CSMD1: variants seen among roughly 807,000 people sequenced by gnomAD.
The protein encoded by CSMD1 is CUB and Sushi multiple domains 1, also known as CUB and sushi domain-containing protein 1.
Under a neutral mutation model 417.5 loss-of-function variants are expected in CSMD1, and 213 were observed. That is an observed-to-expected ratio of 0.51 (90% confidence interval 0.46 to 0.57). The LOEUF (loss-of-function observed/expected upper bound fraction) is 0.57, where lower values mean the gene tolerates loss of function less well. Ranked by LOEUF, CSMD1 falls within the 20% of genes least tolerant of loss-of-function variation. The pLI, the probability that CSMD1 is intolerant of heterozygous loss-of-function variation, is 0.00. For missense variants in CSMD1, 6,923 were observed against 4,529.7 expected (o/e 1.53, Z -15.17); for synonymous variants, 2,862 against 1,736.8 (o/e 1.65, Z -16.11).
At chr8:3,717,170 AATT>A (rs1243212306) in intron 6 of CSMD1, among the ~76,000 whole-genome samples, 3 of 152,156 alleles carry the variant, frequency 2.0e-5, no homozygotes, top group Non-Finnish European at 4.4e-5. Flanking sequence ...TTTCGTCGAT[AATT>A]ATTACATTTT....
chr8:3,657,613 C>T (rs769989226), intron 7 of CSMD1, among the ~76,000 whole-genome samples: 1 of 152,058 alleles, frequency 6.6e-6, no homozygotes, highest in Non-Finnish European at 1.5e-5. Context: ...CCAAACACTG[C>T]ATATTCTCAC....
chr8:4,093,654 A>C (rs12681834), intron 3 of CSMD1, among the ~76,000 whole-genome samples: 1 of 152,076 alleles, frequency 6.6e-6, no homozygotes, highest in South Asian at 2.1e-4. Context: ...GAGAAAGTGA[A>C]TTTTAAAAAG....
At chr8:4,519,277 T>C (rs961024664) in intron 2 of CSMD1, among the ~76,000 whole-genome samples, 3 of 152,186 alleles carry the variant, frequency 2.0e-5, no homozygotes, top group Admixed American at 1.3e-4. Flanking sequence ...ATGGAATCTA[T>C]AAAATATCTT....
intron 8 of CSMD1, among the ~76,000 whole-genome samples, chr8:3,610,476 A>T (rs6985177): frequency 6.6e-6 from 1 of 151,860 alleles, no homozygotes; most frequent in African/African-American, 2.4e-5. Context: ...TCGAGATTAC[A>T]GTACTCCAGG....
At chr8:3,078,088 G>A (rs531742010) in intron 49 of CSMD1, among the ~76,000 whole-genome samples, 21 of 152,226 alleles carry the variant, frequency 1.4e-4, no homozygotes, top group African/African-American at 4.6e-4. Flanking sequence ...CTCCATTATA[G>A]CATTTTTAAA....
chr8:4,523,679 G>A (rs1026583928), intron 2 of CSMD1, among the ~76,000 whole-genome samples: 4 of 152,060 alleles, frequency 2.6e-5, no homozygotes, highest in Non-Finnish European at 5.9e-5. Flanking sequence ...TCTACTAAAG[G>A]TCTGCTTATG....
intron 1 of CSMD1, among the ~76,000 whole-genome samples, chr8:4,918,344 T>C (rs971874117): frequency 3.3e-5 from 5 of 152,208 alleles, no homozygotes; most frequent in East Asian, 1.9e-4. Flanking sequence ...TCTTTTCTTT[T>C]TGCTGGAAAT....
chr8:4,209,951 A>G (rs531742899), intron 3 of CSMD1, among the ~76,000 whole-genome samples: 5 of 152,194 alleles, frequency 3.3e-5, no homozygotes, highest in African/African-American at 9.7e-5. Flanking sequence ...TGACAATGGT[A>G]AACTGGCATG....
At chr8:4,788,239 T>G (rs1797513427) in intron 1 of CSMD1, 1 of 1,588,302 alleles carries the variant, frequency 6.3e-7, no homozygotes, top group Non-Finnish European at 8.6e-7. Context: ...GATGAAACTC[T>G]GAGGGTTAAA....
chr8:4,933,815 A>G (rs751554893), intron 1 of CSMD1, among the ~76,000 whole-genome samples: 8 of 152,166 alleles, frequency 5.3e-5, no homozygotes, highest in Non-Finnish European at 1.0e-4. Context: ...TGTGAGCCCG[A>G]TACATTTATT....
chr8:4,131,785 C>T (rs928917251), intron 3 of CSMD1, among the ~76,000 whole-genome samples: 11 of 77,294 alleles, frequency 1.4e-4, no homozygotes, highest in East Asian at 9.5e-4. Flanking sequence ...TTTTTTGAGA[C>T]GGAGTCTCGC....
chr8:4,364,949 A>T (rs1215775465), intron 3 of CSMD1, among the ~76,000 whole-genome samples: 4 of 151,594 alleles, frequency 2.6e-5, no homozygotes, highest in African/African-American at 9.7e-5. Flanking sequence ...CCCGACAAAA[A>T]CGTGCAAGGG....
At chr8:4,578,527 C>G (rs1422362354) in intron 2 of CSMD1, among the ~76,000 whole-genome samples, 2 of 151,080 alleles carry the variant, frequency 1.3e-5, no homozygotes, top group African/African-American at 2.4e-5. Flanking sequence ...ATTATAAAAC[C>G]TATCTTTGGC....
chr8:4,859,989 A>C (rs1802029421), intron 1 of CSMD1, among the ~76,000 whole-genome samples: 1 of 152,136 alleles, frequency 6.6e-6, no homozygotes, highest in Admixed American at 6.5e-5. Flanking sequence ...TATTCACGAT[A>C]GCAAAGACTT....
intron 1 of CSMD1, among the ~76,000 whole-genome samples, chr8:4,930,829 T>C (rs11136802): frequency 0.053 from 8,102 of 152,260 alleles, 246 homozygotes; most frequent in African/African-American, 0.078. Context: ...TGTGTGACCA[T>C]TGTAAATACA....
At chr8:4,072,308 C>A (rs962208927) in intron 3 of CSMD1, among the ~76,000 whole-genome samples, 3 of 152,132 alleles carry the variant, frequency 2.0e-5, no homozygotes, top group African/African-American at 7.2e-5. Context: ...CCTTCCTTTG[C>A]CTTCAAAATG....
At chr8:3,584,270 A>G (rs1283310279) in intron 9 of CSMD1, among the ~76,000 whole-genome samples, 1 of 152,158 alleles carries the variant, frequency 6.6e-6, no homozygotes, top group African/African-American at 2.4e-5. Flanking sequence ...TGTGGAGTTG[A>G]AAGGAAGAGG....
intron 1 of CSMD1, among the ~76,000 whole-genome samples, chr8:4,838,225 G>A (rs1235214024): frequency 1.3e-5 from 2 of 152,166 alleles, no homozygotes; most frequent in Non-Finnish European, 2.9e-5. Flanking sequence ...TCTCCTTAGG[G>A]TTTCGTTCTG....
At chr8:3,938,081 T>C (rs536958064) in intron 5 of CSMD1, among the ~76,000 whole-genome samples, 1 of 152,240 alleles carries the variant, frequency 6.6e-6, no homozygotes, top group Non-Finnish European at 1.5e-5. Flanking sequence ...TTACACAGGA[T>C]CGTGTAGTAG....
Sources: gnomAD v4.1 joint callset for allele counts (sites outside exome capture counted in the v4.1 genomes callset) on GRCh38, gnomAD v4.1.1 for gene constraint, MANE v1.5 for transcripts, NCBI Gene and HGNC (gene_info 2026-07-23, HGNC 2026-07-21) for gene names.